Variants in ZNF337 observed in about 807,000 individuals in gnomAD.
ZNF337 encodes zinc finger protein 337.
ZNF337 carries 8 observed loss-of-function variants against 12.1 expected under a neutral mutation model. The observed-to-expected ratio is 0.66, with a 90% confidence interval of 0.39 to 1.19. The LOEUF (loss-of-function observed/expected upper bound fraction) is 1.19. Among genes scored for constraint, ZNF337 ranks in the 50% most tolerant of loss-of-function variants. The pLI, the probability that ZNF337 is intolerant of heterozygous loss-of-function variation, is 0.01. For synonymous variants in ZNF337, 336 were observed against 320.0 expected, an observed-to-expected ratio of 1.05 and a Z score of -0.53; for missense variants, 882 against 896.6, an observed-to-expected ratio of 0.98 and a Z score of 0.21.
In ZNF337 at chr20:25,675,952, T is replaced by C; in HGVS notation, c.1336A>G (p.Thr446Ala). 3 of 1,611,870 alleles carry C rather than the reference T, an allele frequency of 1.9e-6. No individual in the cohort carries two copies. The highest frequency in any genetic ancestry group is 2.5e-6 in the Non-Finnish European group (3 of 1,179,412). The change falls in exon 5 of 5, where the codon ACC becomes GCC. Residue 446 changes from threonine (T) to alanine (A), a missense_variant. Coordinates refer to ENST00000252979, the MANE Select transcript of ZNF337 (RefSeq NM_015655.4). ...ECGQGFIQKSTLVKHQITHSE... is the reference protein window; with the variant it reads ...ECGQGFIQKSALVKHQITHSE... ...TGTGTGATCTGATGTTTCACAAGGGTTGACTTCTGAATAAATCCTTGCCCA... is the reference window on the plus strand; with the variant it reads ...TGTGTGATCTGATGTTTCACAAGGGCTGACTTCTGAATAAATCCTTGCCCA...
In ZNF337 at chr20:25,676,922, C is replaced by T. The variant is rs765973226; in HGVS notation, c.366G>A (p.Glu122=). The change falls in exon 5 of 5, where the codon GAG becomes GAA. Residue 122 remains glutamate, a synonymous_variant. Coordinates refer to ENST00000252979, the MANE Select transcript of ZNF337 (RefSeq NM_015655.4). ...CCATGGGCTTAGTGCTTTTTTCTTT[C>T]TCTTGACCTTCAGCTGTGTCACTCT... ...SFQSDTAEGQ[E]KEKSTKPMAF... The T allele has an allele frequency of 5.2e-5, 84 of 1,613,996 alleles. No individual in the cohort carries two copies. The highest frequency in any genetic ancestry group is 2.3e-4 in the Admixed American group (14 of 59,996).
intron 4 of ZNF337, among the ~76,000 whole-genome samples, chr20:25,679,421 T>A (rs2065743434): frequency 1.3e-5 from 2 of 152,142 alleles, no homozygotes; most frequent in African/African-American, 2.4e-5. Flanking sequence ...CTGCAAAGTA[T>A]TCATCTTACA....
chr20:25,685,039 T>C (rs1257836566), intron 4 of ZNF337, among the ~76,000 whole-genome samples: 1 of 151,456 alleles, frequency 6.6e-6, no homozygotes, highest in Non-Finnish European at 1.5e-5. Context: ...GACGAGTTGA[T>C]GGATGTAGCA....
At chr20:25,678,223 C>G (rs564230409) in intron 4 of ZNF337, 1 of 152,112 alleles carries the variant, frequency 6.6e-6, no homozygotes, top group East Asian at 1.9e-4. Context: ...AAAAAAAAAT[C>G]AGTAGTGTTT....
chr20:25,696,716 G>T, intron 1 of ZNF337, 43 bp downstream of exon 1: 1 of 984,388 alleles, frequency 1.0e-6, no homozygotes, highest in Non-Finnish European at 1.2e-6. Flanking sequence ...TCCTGCGCCG[G>T]AAGGGCGCGC....
intron 1 of ZNF337, among the ~76,000 whole-genome samples, chr20:25,688,394 T>C (rs2065853629): frequency 6.6e-6 from 1 of 152,246 alleles, no homozygotes; most frequent in Admixed American, 6.5e-5. Flanking sequence ...TTTTTCTGTT[T>C]CAACGTTTAT....
chr20:25,693,563 G>A (rs1444141067), intron 1 of ZNF337, among the ~76,000 whole-genome samples: 2 of 152,176 alleles, frequency 1.3e-5, no homozygotes, highest in African/African-American at 2.4e-5. Flanking sequence ...TCTGCACCAC[G>A]AATGCAGCAG....
In ZNF337 at chr20:25,674,171, T is replaced by TA. The variant is rs766238994; in HGVS notation, c.*860dup. 2 of 152,218 alleles carry TA rather than the reference T, an allele frequency of 1.3e-5. No homozygotes were observed. Among genetic ancestry groups the TA allele is most frequent in the South Asian group, 2.1e-4 (1 of 4,834 alleles). 9.4% of individuals were successfully genotyped at this position (152,218 alleles called of 1,614,324 possible). ...GAGAATGATGAGGGGAGCAGTTACTTAGTCTATTTGAGCTGTTATAATAAA... is the reference window on the plus strand; with the variant it reads ...GAGAATGATGAGGGGAGCAGTTACTTAAGTCTATTTGAGCTGTTATAATAAA... On this transcript the variant is annotated 3_prime_UTR_variant, in exon 5 of 5. Coordinates refer to ENST00000252979, the MANE Select transcript of ZNF337 (RefSeq NM_015655.4).
intron 1 of ZNF337, among the ~76,000 whole-genome samples, chr20:25,689,802 C>A (rs951007714): frequency 6.6e-6 from 1 of 152,178 alleles, no homozygotes; most frequent in Non-Finnish European, 1.5e-5. Flanking sequence ...ATTACCATCT[C>A]CCAATTTTGC....
At chr20:25,682,457 C>A (rs1399165679) in intron 4 of ZNF337, among the ~76,000 whole-genome samples, 1 of 152,110 alleles carries the variant, frequency 6.6e-6, no homozygotes, top group African/African-American at 2.4e-5. Context: ...TAAAAATCAT[C>A]TTTTCAAGTA....
At chr20:25,690,840 C>T (rs1482814623) in intron 1 of ZNF337, among the ~76,000 whole-genome samples, 1 of 152,090 alleles carries the variant, frequency 6.6e-6, no homozygotes, top group Non-Finnish European at 1.5e-5. Flanking sequence ...AGAACGAATA[C>T]CAAGATAATA....
In ZNF337 at chr20:25,686,032, C is replaced by A; in HGVS notation, c.118G>T (p.Val40Leu). The A allele has an allele frequency of 1.2e-6, 2 of 1,613,620 alleles. No individual in the cohort carries two copies. The change falls in exon 3 of 5, where the codon GTG (valine) becomes TTG (leucine). Residue 40 changes from valine (V) to leucine (L), a missense_variant. Transcript: ENST00000252979. ...SPAQRALYRE[V>L]TLENYSHLVS... ...AGGTGGCTGTAGTTCTCCAGTGTCA[C>A]CTCCCTGTACAGGGCCCTCTGAGCA...
At chr20:25,694,750 C>A (rs933477400) in intron 1 of ZNF337, among the ~76,000 whole-genome samples, 7 of 152,186 alleles carry the variant, frequency 4.6e-5, no homozygotes, top group African/African-American at 1.7e-4. Context: ...ATGAGGCTCA[C>A]TTTCCAACCT....
chr20:25,689,902 T>C (rs2122456230), intron 1 of ZNF337, among the ~76,000 whole-genome samples: 1 of 152,310 alleles, frequency 6.6e-6, no homozygotes, highest in East Asian at 1.9e-4. Flanking sequence ...TTGGCTAAAA[T>C]AATCTTATAG....
rs1472458614 is a variant in ZNF337 at position 25,686,104 on chromosome 20, C to T, written c.46G>A (p.Asp16Asn). ...TTCTGGGTGAAATCCACAGTGACAT[C>T]CCCAAATGCCAAGAAAGCCTGTAAC... is the stretch of plus-strand genomic sequence containing the variant. ...ARRQAFLAFG[D>N]VTVDFTQKEW... The change falls in exon 3 of 5, where the codon GAT becomes AAT. Residue 16 changes from aspartate (D) to asparagine (N), a missense_variant. Coordinates refer to ENST00000252979, the MANE Select transcript of ZNF337 (RefSeq NM_015655.4). 1 of 1,614,046 alleles carries T rather than the reference C, an allele frequency of 6.2e-7. No homozygotes were observed. The highest frequency in any genetic ancestry group is 1.3e-5 in the African/African-American group (1 of 75,028).
At position 25,696,815 on chromosome 20, in the gene ZNF337, T is replaced by A; in HGVS notation, c.-106A>T. 1.0e-6 allele frequency: 1 copy of A among 985,510 alleles called. No homozygotes were observed. The highest frequency in any genetic ancestry group is 1.2e-6 in the Non-Finnish European group (1 of 829,990). 61.0% of individuals were successfully genotyped at this position (985,510 alleles called of 1,614,324 possible). On this transcript the variant is annotated 5_prime_UTR_variant, in exon 1 of 5. Transcript: ENST00000252979. ...GGTCACCGATGGTGGACCACGCATC[T>A]CACGGCTCGCTGACGCCCAGGGATC...
Position 25,681,832 on chromosome 20 carries a change from T to C in ZNF337, c.250+3735A>G, listed in dbSNP as rs190175088. Among the ~76,000 whole-genome samples, 5 of 152,334 alleles carry C rather than the reference T, an allele frequency of 3.3e-5. No homozygotes were observed. In the East Asian group the frequency reaches 9.6e-4, roughly 29 times the overall value. ...CAAAGAAACATTATAATACTACTTA[T>C]TGATATGCATGCTGAAGTGTTTATG... On this transcript the variant is annotated intron_variant, in intron 4 of 4. Coordinates refer to ENST00000252979, the MANE Select transcript of ZNF337 (RefSeq NM_015655.4).
In ZNF337 at chr20:25,686,169, C is replaced by A. The variant is rs990329015; in HGVS notation, c.28-47G>T. 5 of 1,610,834 alleles carry A rather than the reference C, an allele frequency of 3.1e-6. No homozygotes were observed. In the African/African-American group the frequency reaches 5.4e-5, roughly 17 times the overall value. On this transcript the variant is annotated intron_variant, in intron 2 of 4. Transcript: ENST00000252979. ...TGCTCACCAGGGACAGTGTTGCACT[C>A]ACGCAGTTGGAGGATTCCAGGTTCT...
At chr20:25,686,180 A>G in intron 2 of ZNF337, 58 bp from the exon 3 acceptor site, 1 of 1,608,292 alleles carries the variant, frequency 6.2e-7, no homozygotes, top group African/African-American at 1.3e-5. Flanking sequence ...ACGCAGTTGG[A>G]GGATTCCAGG....
Sources: gnomAD v4.1 joint callset for allele counts (sites outside exome capture counted in the v4.1 genomes callset) on GRCh38, gnomAD v4.1.1 for gene constraint, MANE v1.5 for transcripts, NCBI Gene and HGNC (gene_info 2026-07-23, HGNC 2026-07-21) for gene names.